The following ATRN variants were observed in gnomAD, a reference collection of about 807,000 sequenced individuals.
ATRN encodes the protein attractin.
In ATRN, 54 loss-of-function variants were observed where a neutral mutation model predicts 178.7. That is an observed-to-expected ratio of 0.30 (90% confidence interval 0.24 to 0.38). ATRN has a LOEUF of 0.38. ATRN is among the 10% of genes least tolerant of loss of function. ATRN has a pLI of 1.00. For missense variants in ATRN, 1,443 were observed against 1,815.1 expected, an observed-to-expected ratio of 0.79 and a Z score of 3.73; for synonymous variants, 636 against 663.0, an observed-to-expected ratio of 0.96 and a Z score of 0.63.
chr20:3,563,508 A>G, intron 10 of ATRN, 145 bp downstream of exon 10: 1 of 814,654 alleles, frequency 1.2e-6, no homozygotes, highest in Non-Finnish European at 1.9e-6. Context: ...TATTCATTTG[A>G]CTAATGTTAC....
rs186325102 is a variant in ATRN at position 3,527,533 on chromosome 20, A to G, written c.411-7720A>G. Among the ~76,000 whole-genome samples the G allele has an allele frequency of 3.9e-5, 6 of 152,322 alleles. No individual in the cohort carries two copies. The East Asian group carries it at 9.6e-4, about 24-fold the overall frequency. On this transcript the variant is annotated intron_variant, in intron 1 of 28. Coordinates refer to ENST00000262919, the MANE Select transcript of ATRN (RefSeq NM_139321.3). ...CAGTGGGGTGACTCAAGGTTCTAGA[A>G]CCAGAAATACCATTTGACCCAGCAA...
intron 24 of ATRN, among the ~76,000 whole-genome samples, chr20:3,611,865 G>A (rs2086771718): frequency 1.3e-5 from 2 of 152,210 alleles, no homozygotes; most frequent in African/African-American, 4.8e-5. Flanking sequence ...AGAGAGTGGG[G>A]AAAGATTGGA....
At chr20:3,615,744 C>G (rs2146307206) in intron 24 of ATRN, 2 of 453,234 alleles carry the variant, frequency 4.4e-6, no homozygotes, top group Admixed American at 2.4e-5. Flanking sequence ...TTAGTAGAGA[C>G]AGGGTTTTAC....
intron 24 of ATRN, among the ~76,000 whole-genome samples, chr20:3,623,121 C>T (rs1375437871): frequency 6.6e-6 from 1 of 152,174 alleles, no homozygotes; most frequent in Admixed American, 6.5e-5. Context: ...CCTTCTCTCT[C>T]TTTATGTGTT....
chr20:3,641,464 A>G (rs984107938), intron 27 of ATRN, among the ~76,000 whole-genome samples: 5 of 151,794 alleles, frequency 3.3e-5, no homozygotes, highest in African/African-American at 1.2e-4. Flanking sequence ...GATGGCACAC[A>G]TCTGTAATCC....
rs238699 is a variant in ATRN, at chr20:3,540,597, C to T, written c.608+262C>T. Among the ~76,000 whole-genome samples the T allele has an allele frequency of 3.6e-3, 554 of 152,274 alleles. 2 individuals carry two copies. The highest frequency in any genetic ancestry group is 0.01 in the Middle Eastern group (3 of 294). ...AATTGTGATAGTTCTATTAAGTTCA[C>T]CTGCTCCTTGTGGTGGTGGTGAAGT... On this transcript the variant is annotated intron_variant, in intron 3 of 28. Coordinates refer to ENST00000262919, the MANE Select transcript of ATRN (RefSeq NM_139321.3).
intron 6 of ATRN, among the ~76,000 whole-genome samples, chr20:3,551,547 A>G (rs1172719644): frequency 6.6e-6 from 1 of 152,056 alleles, no homozygotes; most frequent in Non-Finnish European, 1.5e-5. Context: ...CTCTGCTTGC[A>G]GGGAATCTTA....
chr20:3,502,209 A>G (rs1315483830), intron 1 of ATRN, among the ~76,000 whole-genome samples: 1 of 152,194 alleles, frequency 6.6e-6, no homozygotes, highest in Non-Finnish European at 1.5e-5. Context: ...AAATTTAAAA[A>G]TTGGCTGAAA....
In ATRN at chr20:3,630,606, G is replaced by C. The variant is rs559687138; in HGVS notation, c.3864-3705G>C. ...CCCTGCTGCCAAGTACGTACAGCCT[G>C]GTGAGGACCGGCCACTTCTACTGGA... On this transcript the variant is annotated intron_variant, in intron 25 of 28. Coordinates refer to ENST00000262919, the MANE Select transcript of ATRN (RefSeq NM_139321.3). Among the ~76,000 whole-genome samples the C allele has an allele frequency of 4.6e-5, 7 of 152,288 alleles. No individual in the cohort carries two copies. The East Asian group carries it at 1.4e-3, about 29-fold the overall frequency.
chr20:3,483,782 T>A (rs189898319), intron 1 of ATRN, among the ~76,000 whole-genome samples: 1 of 152,184 alleles, frequency 6.6e-6, no homozygotes, highest in African/African-American at 2.4e-5. Context: ...TGACATGCAG[T>A]TGACACATAT....
rs527914591 is a variant in ATRN, at chr20:3,542,693, C to T, written c.608+2358C>T. Among the ~76,000 whole-genome samples the T allele has an allele frequency of 2.5e-4, 38 of 149,944 alleles. 1 individual carries two copies. The highest frequency in any genetic ancestry group is 8.6e-4 in the African/African-American group (35 of 40,858). ...CCAGGCTGGAGTGCAGAGGCAGGAA[C>T]GTAGCTCACTGCAGCCTCAACCTCC... On this transcript the variant is annotated intron_variant, in intron 3 of 28. Transcript: ENST00000262919.
chr20:3,600,815 C>A, intron 22 of ATRN, 131 bp from the exon 23 acceptor site: 1 of 862,194 alleles, frequency 1.2e-6, no homozygotes, highest in South Asian at 2.1e-5. Flanking sequence ...GCTAACTCTT[C>A]TGTGAGTTTC....
chr20:3,589,998 G>A lies in ATRN; in HGVS notation c.3185-1171G>A, dbSNP rs559130216. Among the ~76,000 whole-genome samples the A allele has an allele frequency of 5.3e-5, 8 of 152,322 alleles. No homozygotes were observed. The South Asian group carries it at 1.7e-3, about 32-fold the overall frequency. On this transcript the variant is annotated intron_variant, in intron 18 of 28. Transcript: ENST00000262919. ...GAGTTTCACTCTTGTTGCCCAGGCT[G>A]GAGTGCAATGGTGCTTTCTTGGCTC...
intron 15 of ATRN, among the ~76,000 whole-genome samples, chr20:3,581,803 A>T (rs2086286120): frequency 6.6e-6 from 1 of 152,160 alleles, no homozygotes; most frequent in South Asian, 2.1e-4. Flanking sequence ...CTACATTTTT[A>T]TCCTTTATAA....
intron 1 of ATRN, among the ~76,000 whole-genome samples, chr20:3,494,178 G>C (rs2084846166): frequency 6.6e-6 from 1 of 152,166 alleles, no homozygotes; most frequent in Non-Finnish European, 1.5e-5. Flanking sequence ...AGTTATTCTA[G>C]ACAGAGAAGT....
intron 1 of ATRN, among the ~76,000 whole-genome samples, chr20:3,523,005 C>T (rs1426328094): frequency 2.0e-5 from 3 of 152,096 alleles, no homozygotes; most frequent in Non-Finnish European, 4.4e-5. Context: ...AACGCCTCTT[C>T]TTCTCCAGAG....
chr20:3,549,269 T>C lies in ATRN; in HGVS notation c.1043T>C (p.Val348Ala), dbSNP rs2085754043. 6.2e-7 allele frequency: 1 copy of C among 1,610,352 alleles called. No individual in the cohort carries two copies. The highest frequency in any genetic ancestry group is 8.5e-7 in the Non-Finnish European group (1 of 1,178,652). ...CCCAGAGCATCTCATAAAGCTGTGG[T>C]CAATGGAAACATTATGTGGGTTGTT... ...KLPRASHKAV[V>A]NGNIMWVVGG... The change falls in exon 6 of 29, where the codon GTC becomes GCC. Residue 348 changes from valine to alanine, a missense_variant. Physicochemically the swap from Val to Ala is moderately conservative, Grantham distance 64. Around this residue, in one of 4 missense-constraint regions of ATRN, gnomAD observed 862 missense variants for 972.1 expected, o/e 0.89. Coordinates refer to ENST00000262919, the MANE Select transcript of ATRN (RefSeq NM_139321.3).
chr20:3,609,584 C>T (rs1174694371), intron 24 of ATRN, among the ~76,000 whole-genome samples: 1 of 152,136 alleles, frequency 6.6e-6, no homozygotes, highest in East Asian at 1.9e-4. Flanking sequence ...CTAATGCTCG[C>T]AGCGTCTGTG....
At chr20:3,564,403 C>T (rs1054616998) in intron 10 of ATRN, among the ~76,000 whole-genome samples, 4 of 152,242 alleles carry the variant, frequency 2.6e-5, no homozygotes, top group Middle Eastern at 3.4e-3. Context: ...GCAGCACTCT[C>T]CAGGCAGAGG....
Sources: gnomAD v4.1 joint callset for allele counts (sites outside exome capture counted in the v4.1 genomes callset) on GRCh38, gnomAD v4.1.1 for gene constraint, gnomAD v4.1.1 regional missense constraint, MANE v1.5 for transcripts, NCBI Gene and HGNC (gene_info 2026-07-23, HGNC 2026-07-21) for gene names.